PRTFDC1: variants seen among roughly 807,000 people sequenced by gnomAD.
The protein encoded by PRTFDC1 is phosphoribosyl transferase domain containing 1.
Under a neutral mutation model 34.6 loss-of-function variants are expected in PRTFDC1, and 38 were observed. That is an observed-to-expected ratio of 1.10 (90% CI 0.85 to 1.44). PRTFDC1 has a LOEUF of 1.44. Ranked by LOEUF, PRTFDC1 falls within the 40% of genes most tolerant of loss-of-function variation. The pLI is 0.00. For missense variants in PRTFDC1, 270 were observed against 283.0 expected (o/e 0.95, Z 0.33); for synonymous variants, 93 against 98.1 (o/e 0.95, Z 0.31).
chr10:24,849,679 C>T lies in PRTFDC1; in HGVS notation c.*165G>A. 1 of 607,810 alleles carries T rather than the reference C, an allele frequency of 1.6e-6. No homozygotes were observed. Among genetic ancestry groups the T allele is most frequent in the African/African-American group, 1.9e-5 (1 of 54,052 alleles). The allele number at this position is 607,810 out of a possible 1,614,324, so 37.7% of individuals were successfully genotyped here. The stretch of plus-strand genomic sequence containing the variant: ...TTCTTTTCCTTAGGAACCTTTGATA[C>T]TCTTTATATTAACCTCAGAAAAGAA... On this transcript the variant is annotated 3_prime_UTR_variant, in exon 9 of 9. Coordinates refer to ENST00000320152, the MANE Select transcript of PRTFDC1 (RefSeq NM_020200.7).
chr10:24,866,223 T>C (rs1420192038), intron 4 of PRTFDC1, among the ~76,000 whole-genome samples: 1 of 151,984 alleles, frequency 6.6e-6, no homozygotes, highest in Non-Finnish European at 1.5e-5. Flanking sequence ...TAGCTGGGTA[T>C]GGTGGTGGGC....
At chr10:24,869,881 T>G (rs1371563370) in intron 4 of PRTFDC1, among the ~76,000 whole-genome samples, 5 of 152,186 alleles carry the variant, frequency 3.3e-5, no homozygotes, top group African/African-American at 1.2e-4. Flanking sequence ...CTGTCCTCTC[T>G]TACCCCAAAC....
intron 3 of PRTFDC1, among the ~76,000 whole-genome samples, chr10:24,914,933 C>G (rs968397832): frequency 6.6e-6 from 1 of 152,070 alleles, no homozygotes; most frequent in African/African-American, 2.4e-5. Flanking sequence ...CCAATTATTA[C>G]TCATAAAAAA....
At chr10:24,921,995 T>C (rs1365294976) in intron 3 of PRTFDC1, among the ~76,000 whole-genome samples, 1 of 152,180 alleles carries the variant, frequency 6.6e-6, no homozygotes, top group Non-Finnish European at 1.5e-5. Flanking sequence ...GTCAAAGGCA[T>C]TATTTTTCCA....
chr10:24,949,448 T>C (rs1849302261), intron 1 of PRTFDC1, among the ~76,000 whole-genome samples: 1 of 152,070 alleles, frequency 6.6e-6, no homozygotes, highest in Non-Finnish European at 1.5e-5. Flanking sequence ...AGCTTTCTAT[T>C]CTCCCAGTAA....
At chr10:24,854,892 A>T (rs1847546313) in intron 7 of PRTFDC1, among the ~76,000 whole-genome samples, 1 of 152,130 alleles carries the variant, frequency 6.6e-6, no homozygotes, top group Non-Finnish European at 1.5e-5. Flanking sequence ...TGGCATAAGA[A>T]TCCCTCTAAA....
At chr10:24,863,237 CACTT>C in intron 4 of PRTFDC1, among the ~76,000 whole-genome samples, 1 of 152,226 alleles carries the variant, frequency 6.6e-6, no homozygotes, top group African/African-American at 2.4e-5. Context: ...AGTCAATGCT[CACTT>C]ACCATTCCAA....
intron 1 of PRTFDC1, 74 bp from the exon 2 acceptor site, chr10:24,942,510 C>G (rs1849178975): frequency 8.3e-7 from 1 of 1,207,190 alleles, no homozygotes; most frequent in East Asian, 2.3e-5. Context: ...AAGAGTATCA[C>G]TTGAGAGGAG....
intron 4 of PRTFDC1, among the ~76,000 whole-genome samples, chr10:24,865,641 A>G (rs944303100): frequency 6.6e-6 from 1 of 152,220 alleles, no homozygotes; most frequent in Non-Finnish European, 1.5e-5. Flanking sequence ...AGAAAAAGAA[A>G]GGAAGAAAGA....
intron 3 of PRTFDC1, among the ~76,000 whole-genome samples, chr10:24,910,191 C>T (rs1848606353): frequency 6.6e-6 from 1 of 151,918 alleles, no homozygotes; most frequent in African/African-American, 2.4e-5. Context: ...TTCCAATAAC[C>T]TGAACAATGG....
chr10:24,899,467 G>C (rs1199363632), intron 3 of PRTFDC1, among the ~76,000 whole-genome samples: 1 of 152,118 alleles, frequency 6.6e-6, no homozygotes, highest in Non-Finnish European at 1.5e-5. Flanking sequence ...TATACTGTTT[G>C]AGTGGGACCA....
chr10:24,891,609 A>G (rs990104443), intron 3 of PRTFDC1, among the ~76,000 whole-genome samples: 1 of 143,596 alleles, frequency 7.0e-6, no homozygotes, highest in African/African-American at 2.7e-5. Flanking sequence ...CCAAGGCAAC[A>G]TGAAACCCAG....
chr10:24,900,702 A>T (rs1015120547), intron 3 of PRTFDC1, among the ~76,000 whole-genome samples: 2 of 152,206 alleles, frequency 1.3e-5, no homozygotes, highest in Non-Finnish European at 2.9e-5. Context: ...CAAATCAACA[A>T]ATCTATATAA....
At chr10:24,878,867 A>G (rs112316386) in intron 3 of PRTFDC1, among the ~76,000 whole-genome samples, 1 of 152,134 alleles carries the variant, frequency 6.6e-6, no homozygotes, top group African/African-American at 2.4e-5. Flanking sequence ...TTGCTTCAAA[A>G]TCTCTACACA....
chr10:24,858,268 G>T, intron 5 of PRTFDC1, 124 bp downstream of exon 5: 1 of 958,358 alleles, frequency 1.0e-6, no homozygotes, highest in Non-Finnish European at 1.6e-6. Context: ...CATTAAATTT[G>T]GAGAGCATGC....
chr10:24,923,686 G>A (rs952715673), intron 3 of PRTFDC1, among the ~76,000 whole-genome samples: 1 of 152,186 alleles, frequency 6.6e-6, no homozygotes, highest in Non-Finnish European at 1.5e-5. Flanking sequence ...AAACCACAAA[G>A]ACGGGGAGAA....
chr10:24,920,203 A>G (rs1848764195), intron 3 of PRTFDC1, among the ~76,000 whole-genome samples: 1 of 152,146 alleles, frequency 6.6e-6, no homozygotes, highest in African/African-American at 2.4e-5. Flanking sequence ...ACTATTCACA[A>G]TAGCAAAGAC....
chr10:24,903,247 T>G (rs902874538), intron 3 of PRTFDC1, among the ~76,000 whole-genome samples: 1 of 152,158 alleles, frequency 6.6e-6, no homozygotes, highest in African/African-American at 2.4e-5. Context: ...GGGATTGTTG[T>G]GAGAAAACAT....
intron 4 of PRTFDC1, among the ~76,000 whole-genome samples, chr10:24,871,103 C>T (rs992589421): frequency 2.0e-5 from 3 of 148,898 alleles, no homozygotes; most frequent in Admixed American, 1.3e-4. Flanking sequence ...CCTTGTGGCT[C>T]TATAGCCATC....
Sources: allele counts gnomAD v4.1 joint callset (sites outside exome capture counted in the v4.1 genomes callset), GRCh38; gene constraint gnomAD v4.1.1; transcripts MANE v1.5; gene names NCBI Gene and HGNC (gene_info 2026-07-23, HGNC 2026-07-21).